Variants in CNTNAP5 observed in about 807,000 individuals in gnomAD.
CNTNAP5 encodes contactin associated protein family member 5.
A neutral mutation model predicts 150.2 loss-of-function variants in CNTNAP5; 72 were observed. That is an observed-to-expected ratio of 0.48 (90% CI 0.40 to 0.58). The LOEUF (loss-of-function observed/expected upper bound fraction) is 0.58, where lower values mean the gene tolerates loss of function less well. Ranked by LOEUF, CNTNAP5 falls within the 20% of genes least tolerant of loss-of-function variation. The pLI is 0.00. For synonymous variants in CNTNAP5, 672 were observed against 619.8 expected, an observed-to-expected ratio of 1.08 and a Z score of -1.25; for missense variants, 1,636 against 1,626.2, an observed-to-expected ratio of 1.01 and a Z score of -0.10.
chr2:124,313,782 C>T (rs1688891181), intron 3 of CNTNAP5, among the ~76,000 whole-genome samples: 1 of 152,230 alleles, frequency 6.6e-6, no homozygotes, highest in South Asian at 2.1e-4. Context: ...CCAATAAAAC[C>T]ACAGGGCAGG....
chr2:124,704,088 T>C (rs574917374), intron 13 of CNTNAP5, among the ~76,000 whole-genome samples: 2 of 152,278 alleles, frequency 1.3e-5, no homozygotes, highest in South Asian at 4.1e-4. Flanking sequence ...ACACAGAAGG[T>C]CAAGGATTTC....
At chr2:124,878,919 G>T (rs1677913802) in intron 21 of CNTNAP5, among the ~76,000 whole-genome samples, 1 of 151,966 alleles carries the variant, frequency 6.6e-6, no homozygotes, top group Non-Finnish European at 1.5e-5. Context: ...CTGACCTCCA[G>T]TAATCTGCCC....
intron 6 of CNTNAP5, among the ~76,000 whole-genome samples, chr2:124,451,099 T>C (rs200029803): frequency 4.2e-4 from 43 of 101,406 alleles, no homozygotes; most frequent in South Asian, 1.4e-3. Flanking sequence ...CACACACACA[T>C]AATGTATATA....
At position 124,348,021 on chromosome 2, in the gene CNTNAP5, G is replaced by A. The variant is rs568944832; in HGVS notation, c.382-69422G>A. 6.6e-5 allele frequency among the ~76,000 whole-genome samples: 10 copies of A among 152,034 alleles called. No individual in the cohort carries two copies. In the South Asian group the frequency reaches 1.5e-3, roughly 22 times the overall value. On this transcript the variant is annotated intron_variant, in intron 3 of 23. Transcript: ENST00000682447. ...TTTTTTGGTATTTTTTAGTGGAGAC[G>A]GGGTTTCACTGTGTTAGCCAGGATG... is the stretch of plus-strand genomic sequence containing the variant.
chr2:124,674,985 G>A (rs745589844), intron 13 of CNTNAP5, among the ~76,000 whole-genome samples: 17 of 151,890 alleles, frequency 1.1e-4, no homozygotes, highest in Non-Finnish European at 1.8e-4. Context: ...GATGTATACT[G>A]TTTTTTAAAT....
rs537385586 is a variant in CNTNAP5, at chr2:124,589,685, G to A, written c.1757-20116G>A. ...CTAATATCTTACGTATTTATGGCAC[G>A]ATATTTAAAAGGAAATTGATGTCGG... On this transcript the variant is annotated intron_variant, in intron 11 of 23. Coordinates refer to ENST00000682447, the MANE Select transcript of CNTNAP5 (RefSeq NM_001367498.1). 1.1e-4 allele frequency among the ~76,000 whole-genome samples: 17 copies of A among 152,244 alleles called. No homozygotes were observed. The East Asian group carries it at 3.3e-3, about 29-fold the overall frequency.
intron 18 of CNTNAP5, among the ~76,000 whole-genome samples, chr2:124,792,407 T>C (rs1026765479): frequency 6.6e-6 from 1 of 152,230 alleles, no homozygotes; most frequent in Non-Finnish European, 1.5e-5. Context: ...AGCTTGTTTT[T>C]GGTTCATTTT....
chr2:124,184,898 C>T (rs1196888654), intron 1 of CNTNAP5, among the ~76,000 whole-genome samples: 2 of 152,068 alleles, frequency 1.3e-5, no homozygotes, highest in Admixed American at 6.6e-5. Flanking sequence ...GGGGTAAAAT[C>T]GATACTGTTG....
At chr2:124,602,984 C>G (rs944771589) in intron 11 of CNTNAP5, among the ~76,000 whole-genome samples, 2 of 151,816 alleles carry the variant, frequency 1.3e-5, no homozygotes, top group African/African-American at 2.4e-5. Context: ...TTGTGGTTAT[C>G]TTAAAACATC....
At position 124,855,167 on chromosome 2, in the gene CNTNAP5, C is replaced by CT. The variant is rs70999224; in HGVS notation, c.3218-10110dup. On this transcript the variant is annotated intron_variant, in intron 19 of 23. Transcript: ENST00000682447. ...AGAATTAGAAAGCCTTGGGCTTTTGCTTTTTTTTTTTTTTTTTTTTTTTTT... is the reference window on the plus strand; with the variant it reads ...AGAATTAGAAAGCCTTGGGCTTTTGCTTTTTTTTTTTTTTTTTTTTTTTTTT... Among the ~76,000 whole-genome samples the CT allele has an allele frequency of 5.7e-3, 407 of 71,444 alleles. 24 individuals carry two copies. Among genetic ancestry groups the CT allele is most frequent in the Non-Finnish European group, 7.2e-3 (260 of 35,936 alleles). The allele number at this position is 71,444 out of a possible 152,430, so 46.9% of individuals were successfully genotyped here. A position where few individuals can be genotyped will look rare whatever the true frequency, so the allele number is the denominator to read the frequency against.
At position 124,266,475 on chromosome 2, in the gene CNTNAP5, A is replaced by G. The variant is rs114645198; in HGVS notation, c.381+24082A>G. Among the ~76,000 whole-genome samples, 1,362 of 152,268 alleles carry G rather than the reference A, an allele frequency of 8.9e-3. 22 individuals carry two copies. The highest frequency in any genetic ancestry group is 0.031 in the African/African-American group (1,274 of 41,562). On this transcript the variant is annotated intron_variant, in intron 3 of 23. Transcript: ENST00000682447. ...TTCGCCTTCCAAAAAAAAGCTGAAC[A>G]GCCCTCAGAATGATTTATGAATAGG...
At chr2:124,780,615 A>G (rs1681430088) in intron 17 of CNTNAP5, among the ~76,000 whole-genome samples, 1 of 152,242 alleles carries the variant, frequency 6.6e-6, no homozygotes, top group South Asian at 2.1e-4. Flanking sequence ...TTGGTAAATT[A>G]CATTCTCACT....
At chr2:124,738,736 A>G (rs2105135448) in intron 13 of CNTNAP5, among the ~76,000 whole-genome samples, 1 of 152,042 alleles carries the variant, frequency 6.6e-6, no homozygotes, top group African/African-American at 2.4e-5. Context: ...ATCAAAAAAA[A>G]AAAAAGAAAG....
chr2:124,395,160 C>A (rs982538038), intron 3 of CNTNAP5, among the ~76,000 whole-genome samples: 1 of 152,080 alleles, frequency 6.6e-6, no homozygotes, highest in African/African-American at 2.4e-5. Flanking sequence ...AATACACATT[C>A]TTTTATAATG....
At chr2:124,434,008 C>G (rs1475755323) in intron 4 of CNTNAP5, among the ~76,000 whole-genome samples, 1 of 152,158 alleles carries the variant, frequency 6.6e-6, no homozygotes, top group African/African-American at 2.4e-5. Flanking sequence ...GCCTCAGAAT[C>G]CTTCTCAACA....
chr2:124,859,944 G>A lies in CNTNAP5; in HGVS notation c.3218-5362G>A, dbSNP rs146996336. On this transcript the variant is annotated intron_variant, in intron 19 of 23. Transcript: ENST00000682447. ...GGAGCAGGGAGGGATAGCATTAGGG[G>A]ATATACTTAATGTAAATGATGAGTT... Among the ~76,000 whole-genome samples, 126 of 152,034 alleles carry A rather than the reference G, an allele frequency of 8.3e-4. 2 individuals carry two copies. The East Asian group carries it at 0.013, about 16-fold the overall frequency.
intron 3 of CNTNAP5, among the ~76,000 whole-genome samples, chr2:124,245,698 CACACAAAT>C (rs1573863828): frequency 9.0e-6 from 1 of 110,662 alleles, no homozygotes. Flanking sequence ...TATATATATA[CACACAAAT>C]ATATATTTAT....
intron 1 of CNTNAP5, among the ~76,000 whole-genome samples, chr2:124,196,997 G>A (rs1363635295): frequency 6.6e-6 from 1 of 152,158 alleles, no homozygotes; most frequent in Non-Finnish European, 1.5e-5. Flanking sequence ...TCGTGTCTCA[G>A]GTTCCTAAGG....
intron 6 of CNTNAP5, 99 bp from the exon 7 acceptor site, chr2:124,474,640 G>C: frequency 3.1e-6 from 3 of 961,754 alleles, no homozygotes; most frequent in Non-Finnish European, 3.0e-6. Flanking sequence ...TTTGGCTCAA[G>C]CATACAATTG....
Sources: gnomAD v4.1 joint callset for allele counts (sites outside exome capture counted in the v4.1 genomes callset) on GRCh38, gnomAD v4.1.1 for gene constraint, MANE v1.5 for transcripts, NCBI Gene and HGNC (gene_info 2026-07-23, HGNC 2026-07-21) for gene names.